The following TMEM135 variants were observed in gnomAD, a reference collection of about 807,000 sequenced individuals.
TMEM135 encodes peroxisomal membrane protein 52.
Under a neutral mutation model 60.3 loss-of-function variants are expected in TMEM135, and 30 were observed. The observed-to-expected ratio is 0.50, with a 90% CI of 0.37 to 0.68. The LOEUF is 0.68. Ranked by LOEUF, TMEM135 falls within the 30% of genes least tolerant of loss-of-function variation. TMEM135 has a pLI of 0.00. For synonymous variants in TMEM135, 190 were observed against 186.7 expected, an observed-to-expected ratio of 1.02 and a Z score of -0.14; for missense variants, 468 against 548.8, an observed-to-expected ratio of 0.85 and a Z score of 1.47.
chr11:87,122,695 A>C (rs182332966), intron 4 of TMEM135, among the ~76,000 whole-genome samples: 2 of 152,174 alleles, frequency 1.3e-5, no homozygotes, highest in Admixed American at 6.5e-5. Context: ...TTCTGACCTC[A>C]GGTGACCCAC....
chr11:87,127,809 T>G (rs1486636290), intron 4 of TMEM135, among the ~76,000 whole-genome samples: 1 of 152,198 alleles, frequency 6.6e-6, no homozygotes, highest in Admixed American at 6.5e-5. Context: ...TTTTTTTCAG[T>G]TGCTTATCTT....
intron 4 of TMEM135, chr11:87,121,478 G>T (rs995073242): frequency 1.3e-5 from 2 of 151,910 alleles, no homozygotes; most frequent in East Asian, 1.9e-4. Context: ...TTGAGGAGTG[G>T]TATGAGATGG....
At chr11:87,108,691 C>T (rs568011022) in intron 4 of TMEM135, among the ~76,000 whole-genome samples, 2 of 152,100 alleles carry the variant, frequency 1.3e-5, no homozygotes, top group South Asian at 2.1e-4. Context: ...ATAAATTTCC[C>T]CTTTAGAACT....
At chr11:87,143,143 G>A (rs1265245629) in intron 4 of TMEM135, among the ~76,000 whole-genome samples, 1 of 151,658 alleles carries the variant, frequency 6.6e-6, no homozygotes, top group Admixed American at 6.6e-5. Context: ...TACTTTTTTA[G>A]CTCAGTTATT....
intron 5 of TMEM135, among the ~76,000 whole-genome samples, chr11:87,182,453 G>A (rs1484459523): frequency 3.3e-5 from 5 of 152,118 alleles, no homozygotes; most frequent in Non-Finnish European, 7.4e-5. Flanking sequence ...TGACTAAGGT[G>A]CTGTGAGTGG....
chr11:87,158,892 A>C (rs559434815), intron 5 of TMEM135, among the ~76,000 whole-genome samples: 5 of 152,222 alleles, frequency 3.3e-5, no homozygotes, highest in Non-Finnish European at 5.9e-5. Flanking sequence ...ATAAGGTCAG[A>C]TGTAGTAATC....
chr11:87,222,232 C>A (rs1363024181), intron 5 of TMEM135, among the ~76,000 whole-genome samples: 2 of 147,510 alleles, frequency 1.4e-5, no homozygotes, highest in Non-Finnish European at 3.0e-5. Flanking sequence ...CATGGTGGCT[C>A]ACGCCTGTAA....
chr11:87,081,361 G>A (rs1223662862), intron 3 of TMEM135, among the ~76,000 whole-genome samples: 1 of 150,578 alleles, frequency 6.6e-6, no homozygotes, highest in African/African-American at 2.4e-5. Flanking sequence ...TTCTTTTAGT[G>A]CTTGCTCTAT....
At chr11:87,247,201 G>C (rs375853380) in intron 6 of TMEM135, among the ~76,000 whole-genome samples, 6 of 152,124 alleles carry the variant, frequency 3.9e-5, no homozygotes, top group Non-Finnish European at 5.9e-5. Flanking sequence ...ATGTCTGATC[G>C]TTCCTCTGGA....
chr11:87,090,452 A>G (rs1323067674), intron 3 of TMEM135, among the ~76,000 whole-genome samples: 1 of 152,130 alleles, frequency 6.6e-6, no homozygotes, highest in Non-Finnish European at 1.5e-5. Flanking sequence ...AGAAGATTTC[A>G]TTGATAATAT....
At chr11:87,302,213 T>C (rs2135439963) in intron 7 of TMEM135, 83 bp from the exon 8 acceptor site, 1 of 1,426,816 alleles carries the variant, frequency 7.0e-7, no homozygotes, top group East Asian at 2.3e-5. Context: ...CCAAAGCGTA[T>C]TTGTTTATAA....
At chr11:87,099,923 T>C (rs1355479155) in intron 4 of TMEM135, among the ~76,000 whole-genome samples, 1 of 151,952 alleles carries the variant, frequency 6.6e-6, no homozygotes, top group Non-Finnish European at 1.5e-5. Flanking sequence ...CCTTGTTATC[T>C]GCCCTCCTCG....
chr11:87,257,600 T>C (rs1941554492), intron 6 of TMEM135, among the ~76,000 whole-genome samples: 1 of 152,192 alleles, frequency 6.6e-6, no homozygotes, highest in Admixed American at 6.5e-5. Context: ...TAAATGTTAG[T>C]TGTTTTTATT....
chr11:87,087,825 G>A (rs913067118), intron 3 of TMEM135, among the ~76,000 whole-genome samples: 1 of 151,914 alleles, frequency 6.6e-6, no homozygotes, highest in Admixed American at 6.6e-5. Flanking sequence ...CAACCTCTGC[G>A]TCCTTGGTTC....
intron 5 of TMEM135, among the ~76,000 whole-genome samples, chr11:87,173,179 A>G (rs114363087): frequency 0.018 from 2,775 of 152,254 alleles, 72 homozygotes; most frequent in East Asian, 0.074. Context: ...TAAGTCTTTA[A>G]TAAGCAAAGT....
intron 5 of TMEM135, among the ~76,000 whole-genome samples, chr11:87,167,934 G>C (rs1939108223): frequency 6.6e-6 from 1 of 152,096 alleles, no homozygotes; most frequent in South Asian, 2.1e-4. Flanking sequence ...GAATCTGTCA[G>C]GTCCTGGGCT....
At chr11:87,057,383 T>A (rs1258200697) in intron 1 of TMEM135, among the ~76,000 whole-genome samples, 1 of 152,166 alleles carries the variant, frequency 6.6e-6, no homozygotes, top group East Asian at 1.9e-4. Context: ...TCTTCCCACA[T>A]ATATTATTAA....
rs1397664538 is a variant in TMEM135, at chr11:87,325,395, T to C, written c.*4062T>C. The C allele has an allele frequency of 4.4e-6, 2 of 453,992 alleles. No homozygotes were observed. The highest frequency in any genetic ancestry group is 8.8e-6 in the Non-Finnish European group (2 of 226,800). The allele number at this position is 453,992 out of a possible 1,614,324, so 28.1% of individuals were successfully genotyped here. ...AGCTGTGGTGAATAAGAATGTGTGCTATTTTACACACAGAAGAAAATGATT... is the reference window on the plus strand; with the variant it reads ...AGCTGTGGTGAATAAGAATGTGTGCCATTTTACACACAGAAGAAAATGATT... On this transcript the variant is annotated 3_prime_UTR_variant, in exon 15 of 15. Transcript: ENST00000305494.
intron 6 of TMEM135, among the ~76,000 whole-genome samples, chr11:87,242,245 C>T (rs1591131020): frequency 6.6e-6 from 1 of 151,632 alleles, no homozygotes; most frequent in African/African-American, 2.4e-5. Flanking sequence ...TTAATCCAGT[C>T]TATCATTGTC....
Sources: allele counts gnomAD v4.1 joint callset (sites outside exome capture counted in the v4.1 genomes callset), GRCh38; gene constraint gnomAD v4.1.1; transcripts MANE v1.5; gene names NCBI Gene and HGNC (gene_info 2026-07-23, HGNC 2026-07-21).